GRID2: variants seen among roughly 807,000 people sequenced by gnomAD.
The protein encoded by GRID2 is glutamate receptor ionotropic, delta-2.
A neutral mutation model predicts 114.8 loss-of-function variants in GRID2; 33 were observed. The observed-to-expected ratio is 0.29, with a 90% CI of 0.22 to 0.38. The LOEUF (loss-of-function observed/expected upper bound fraction) is 0.38. GRID2 is among the 10% of genes least tolerant of loss of function. GRID2 has a pLI of 1.00. For synonymous variants in GRID2, 505 were observed against 449.9 expected, an observed-to-expected ratio of 1.12 and a Z score of -1.55; for missense variants, 1,184 against 1,257.7, an observed-to-expected ratio of 0.94 and a Z score of 0.89.
At chr4:92,493,694 G>A (rs959851957) in intron 1 of GRID2, among the ~76,000 whole-genome samples, 2 of 152,106 alleles carry the variant, frequency 1.3e-5, no homozygotes, top group African/African-American at 4.8e-5. Context: ...AGGATAAAGC[G>A]TGATTGCCAT....
intron 2 of GRID2, among the ~76,000 whole-genome samples, chr4:93,040,366 A>T (rs543393914): frequency 5.7e-4 from 87 of 152,208 alleles, no homozygotes; most frequent in African/African-American, 2.0e-3. Context: ...TTGTGCAAAC[A>T]ATTTGAGATT....
At chr4:92,725,192 T>C (rs961723021) in intron 2 of GRID2, among the ~76,000 whole-genome samples, 1 of 152,044 alleles carries the variant, frequency 6.6e-6, no homozygotes, top group Non-Finnish European at 1.5e-5. Flanking sequence ...TCCTAGCTAC[T>C]TGGGAGGCTG....
At chr4:93,233,568 C>T (rs1267640122) in intron 7 of GRID2, among the ~76,000 whole-genome samples, 2 of 152,006 alleles carry the variant, frequency 1.3e-5, no homozygotes, top group African/African-American at 4.8e-5. Context: ...GTCTCGAACT[C>T]CTGACCTCAG....
intron 2 of GRID2, among the ~76,000 whole-genome samples, chr4:93,031,203 G>A (rs970157641): frequency 2.0e-5 from 3 of 151,620 alleles, no homozygotes; most frequent in African/African-American, 4.8e-5. Flanking sequence ...CTGCCACCAC[G>A]CCCAGCTAAT....
At chr4:92,814,895 C>A (rs968280331) in intron 2 of GRID2, among the ~76,000 whole-genome samples, 1 of 152,040 alleles carries the variant, frequency 6.6e-6, no homozygotes, top group Non-Finnish European at 1.5e-5. Context: ...GAAAGAGAAA[C>A]CTTTCTCCCT....
chr4:92,548,929 C>T (rs912242707), intron 1 of GRID2, among the ~76,000 whole-genome samples: 7 of 152,014 alleles, frequency 4.6e-5, no homozygotes, highest in African/African-American at 1.7e-4. Flanking sequence ...ATCACAGGAA[C>T]AGTACCAAAG....
chr4:92,561,359 A>G (rs185845066), intron 1 of GRID2, among the ~76,000 whole-genome samples: 1 of 152,214 alleles, frequency 6.6e-6, no homozygotes, highest in Non-Finnish European at 1.5e-5. Context: ...ACTTGAGTTT[A>G]TACCTTACTT....
At chr4:93,165,661 T>G (rs1738180198) in intron 4 of GRID2, among the ~76,000 whole-genome samples, 1 of 152,126 alleles carries the variant, frequency 6.6e-6, no homozygotes, top group African/African-American at 2.4e-5. Flanking sequence ...TAACTCCTCT[T>G]TCTCTCAGAG....
chr4:92,644,958 A>T (rs1211944035), intron 2 of GRID2, among the ~76,000 whole-genome samples: 1 of 151,264 alleles, frequency 6.6e-6, no homozygotes, highest in Non-Finnish European at 1.5e-5. Flanking sequence ...AAACATTTTG[A>T]TGGAAACTTC....
At chr4:92,878,227 CT>C (rs2149453933) in intron 2 of GRID2, among the ~76,000 whole-genome samples, 1 of 152,252 alleles carries the variant, frequency 6.6e-6, no homozygotes, top group African/African-American at 2.4e-5. Context: ...TACATTAATT[CT>C]CCATTAAAAA....
At chr4:92,973,386 A>G (rs112684593) in intron 2 of GRID2, among the ~76,000 whole-genome samples, 1 of 152,312 alleles carries the variant, frequency 6.6e-6, no homozygotes, top group South Asian at 2.1e-4. Flanking sequence ...TAGTTACAAT[A>G]GGTGGCATTT....
rs368120088 is a variant in GRID2, at chr4:93,289,841, T to G, written c.1245+51351T>G. ...ATAACCTACATTGATGCTGAAATATTTAAAAGGTCTTACAAAATGTTCGTA... is the reference window on the plus strand; with the variant it reads ...ATAACCTACATTGATGCTGAAATATGTAAAAGGTCTTACAAAATGTTCGTA... On this transcript the variant is annotated intron_variant, in intron 8 of 15. Transcript: ENST00000282020. Among the ~76,000 whole-genome samples, 69 of 152,222 alleles carry G rather than the reference T, an allele frequency of 4.5e-4. 1 individual carries two copies. Among genetic ancestry groups the G allele is most frequent in the African/African-American group, 1.7e-3 (69 of 41,534 alleles).
At chr4:92,570,503 G>T (rs1285677764) in intron 1 of GRID2, among the ~76,000 whole-genome samples, 1 of 151,912 alleles carries the variant, frequency 6.6e-6, no homozygotes, top group Non-Finnish European at 1.5e-5. Flanking sequence ...ATGCCAATGT[G>T]AGTTTAATGG....
intron 4 of GRID2, among the ~76,000 whole-genome samples, chr4:93,179,097 G>T (rs1739641997): frequency 6.6e-6 from 1 of 152,182 alleles, no homozygotes; most frequent in Admixed American, 6.5e-5. Context: ...ATGAGGGGTT[G>T]GGAAGAACTG....
intron 2 of GRID2, among the ~76,000 whole-genome samples, chr4:92,973,006 C>T (rs930426629): frequency 1.3e-4 from 19 of 151,986 alleles, no homozygotes; most frequent in African/African-American, 3.4e-4. Context: ...TCCAGTCTAT[C>T]GTTGATGGGA....
chr4:92,652,164 C>A (rs968210567), intron 2 of GRID2, among the ~76,000 whole-genome samples: 1 of 151,978 alleles, frequency 6.6e-6, no homozygotes, highest in Non-Finnish European at 1.5e-5. Context: ...ATGGATTTTC[C>A]CCTGCCTTTT....
intron 2 of GRID2, among the ~76,000 whole-genome samples, chr4:92,716,296 A>G (rs1735547413): frequency 1.3e-5 from 2 of 152,166 alleles, no homozygotes; most frequent in African/African-American, 4.8e-5. Flanking sequence ...TTTTTTAGCC[A>G]ATTTCCTCAG....
intron 2 of GRID2, among the ~76,000 whole-genome samples, chr4:92,889,521 A>G (rs1015159664): frequency 4.6e-5 from 7 of 152,222 alleles, no homozygotes; most frequent in African/African-American, 1.7e-4. Flanking sequence ...CCCATTCATA[A>G]TTGCTACAAA....
intron 2 of GRID2, among the ~76,000 whole-genome samples, chr4:93,014,178 C>A (rs1722461026): frequency 6.6e-6 from 1 of 151,988 alleles, no homozygotes; most frequent in Non-Finnish European, 1.5e-5. Flanking sequence ...TGACAAAATA[C>A]CACAGACTTG....
Sources: allele counts gnomAD v4.1 joint callset (sites outside exome capture counted in the v4.1 genomes callset), GRCh38; gene constraint gnomAD v4.1.1; transcripts MANE v1.5; gene names NCBI Gene and HGNC (gene_info 2026-07-23, HGNC 2026-07-21).